The following AKAP9 variants were observed in gnomAD, a reference collection of about 807,000 sequenced individuals.
AKAP9 encodes A-kinase anchor protein 9.
Under a neutral mutation model 488.5 loss-of-function variants are expected in AKAP9, and 311 were observed. That is an observed-to-expected ratio of 0.64 (90% CI 0.58 to 0.70). The LOEUF is 0.70. Among genes scored for constraint, AKAP9 ranks in the 30% least tolerant of loss-of-function variants. The pLI is 0.00. For synonymous variants in AKAP9, 1,462 were observed against 1,483.5 expected, an observed-to-expected ratio of 0.99 and a Z score of 0.33; for missense variants, 4,215 against 4,374.5, an observed-to-expected ratio of 0.96 and a Z score of 1.03.
intron 5 of AKAP9, 46 bp from the exon 6 acceptor site, chr7:91,994,575 T>C (rs1198528469): frequency 6.7e-7 from 1 of 1,492,124 alleles, no homozygotes; most frequent in Non-Finnish European, 9.2e-7. Flanking sequence ...CCTGTAATAA[T>C]AGTCAATTAA....
In AKAP9 at chr7:91,945,538, G is replaced by A. The variant is rs576593870; in HGVS notation, c.48+4391G>A. 4.3e-3 allele frequency among the ~76,000 whole-genome samples: 651 copies of A among 152,222 alleles called. 1 individual carries two copies. The highest frequency in any genetic ancestry group is 7.5e-3 in the Non-Finnish European group (510 of 68,002). On this transcript the variant is annotated intron_variant, in intron 1 of 49. Coordinates refer to ENST00000356239, the MANE Select transcript of AKAP9 (RefSeq NM_005751.5). ...CAAAACAAAACAAAAACAGAGGCCAGTGTAGCCTGCCCAGTGGGCTTTAGG... is the reference window on the plus strand; with the variant it reads ...CAAAACAAAACAAAAACAGAGGCCAATGTAGCCTGCCCAGTGGGCTTTAGG...
chr7:92,070,823 AAAGC>A (rs1016615794), intron 27 of AKAP9, 78 bp from the exon 28 acceptor site: 1 of 919,732 alleles, frequency 1.1e-6, no homozygotes, highest in African/African-American at 1.7e-5. Context: ...AAAAAAAAAA[AAAGC>A]AGACCAAAAA....
intron 16 of AKAP9, among the ~76,000 whole-genome samples, chr7:92,032,015 C>G (rs947538784): frequency 7.9e-5 from 12 of 152,280 alleles, no homozygotes; most frequent in African/African-American, 2.9e-4. Flanking sequence ...AGGATTATCA[C>G]TGAGTATTAA....
intron 3 of AKAP9, among the ~76,000 whole-genome samples, chr7:91,986,073 A>C (rs1378502735): frequency 2.0e-5 from 3 of 152,156 alleles, no homozygotes; most frequent in African/African-American, 7.2e-5. Context: ...GTGGTCTATT[A>C]ATTATTGCCT....
Position 92,001,768 on chromosome 7 carries a change from A to C in AKAP9, c.1851A>C (p.Ser617=), listed in dbSNP as rs1228322452. The change falls in exon 8 of 50, where the codon TCA becomes TCC. Residue 617 remains serine, a synonymous_variant. Transcript: ENST00000356239. ...CTGTGTTAGACAGAATGGCTGAATC[A>C]CAAGAAGCTGAATTAGAGAGGCTGA... ...KNAVLDRMAE[S]QEAELERLRT... is the part of the protein sequence containing the mutation. The C allele has an allele frequency of 1.2e-5, 19 of 1,613,396 alleles. No individual in the cohort carries two copies. The highest frequency in any genetic ancestry group is 1.6e-5 in the Non-Finnish European group (19 of 1,179,804).
chr7:92,006,406 C>T (rs1799868387), intron 8 of AKAP9, among the ~76,000 whole-genome samples: 1 of 152,162 alleles, frequency 6.6e-6, no homozygotes, highest in Admixed American at 6.5e-5. Flanking sequence ...TTGCCTTGGC[C>T]TCCTGAAATG....
intron 1 of AKAP9, among the ~76,000 whole-genome samples, chr7:91,960,849 T>A (rs764864267): frequency 6.6e-6 from 1 of 152,194 alleles, no homozygotes. Context: ...GGTAAAACTC[T>A]ACAACCACAT....
At chr7:92,003,740 G>A (rs775351889) in intron 8 of AKAP9, among the ~76,000 whole-genome samples, 2 of 151,856 alleles carry the variant, frequency 1.3e-5, no homozygotes, top group African/African-American at 2.4e-5. Flanking sequence ...AAGTCCTAGA[G>A]TTTTTTCAGA....
chr7:91,941,226 G>C lies in AKAP9; in HGVS notation c.48+79G>C, dbSNP rs369883453. The C allele has an allele frequency of 7.0e-6, 10 of 1,422,094 alleles. 1 individual carries two copies. Among genetic ancestry groups the C allele is most frequent in the East Asian group, 2.3e-5 (1 of 43,954 alleles). 88.1% of individuals were successfully genotyped at this position (1,422,094 alleles called of 1,614,324 possible). A position where few individuals can be genotyped will look rare whatever the true frequency, so the allele number is the denominator to read the frequency against. On this transcript the variant is annotated intron_variant, in intron 1 of 49. Transcript: ENST00000356239. ...GGTGGGAGGGGGCCTGGGAAGCGGA[G>C]TTCGCCGCAGCCCCAGTGCACTGCC...
chr7:92,000,059 T>G (rs547836164), intron 7 of AKAP9, among the ~76,000 whole-genome samples: 1 of 152,376 alleles, frequency 6.6e-6, no homozygotes, highest in South Asian at 2.1e-4. Context: ...ACCTAGGGCC[T>G]CTGCTTGACT....
chr7:91,977,417 A>G (rs1163312759), intron 2 of AKAP9, among the ~76,000 whole-genome samples: 1 of 152,130 alleles, frequency 6.6e-6, no homozygotes. Context: ...TTAGCGGGGC[A>G]TGGTGGTGGG....
chr7:92,096,860 C>G lies in AKAP9; in HGVS notation c.9901C>G (p.Leu3301Val), dbSNP rs1267524812. The G allele has an allele frequency of 1.2e-6, 2 of 1,614,044 alleles. No individual in the cohort carries two copies. Among genetic ancestry groups the G allele is most frequent in the Non-Finnish European group, 8.5e-7 (1 of 1,180,052 alleles). Residue 3301 changes from leucine to valine, a missense_variant, in exon 41 of 50, where the codon CTT (leucine) becomes GTT (valine). Transcript: ENST00000356239. ...AGGTCGAAACTTAGAGCTTCAGGTA[C>G]TTCTTGAATCTGAGAAAGTTCGAAT... is the stretch of plus-strand genomic sequence containing the variant. ...EQGRNLELQVLLESEKVRIRE... is the reference protein window; with the variant it reads ...EQGRNLELQVVLESEKVRIRE...
At chr7:92,058,935 C>T (rs975286078) in intron 22 of AKAP9, among the ~76,000 whole-genome samples, 2 of 151,872 alleles carry the variant, frequency 1.3e-5, no homozygotes, top group Non-Finnish European at 2.9e-5. Context: ...AGACCCTTTT[C>T]TGCTTTTTAT....
rs1396629137 is a variant in AKAP9, at chr7:91,954,293, T to A, written c.48+13146T>A. On this transcript the variant is annotated intron_variant, in intron 1 of 49. Coordinates refer to ENST00000356239, the MANE Select transcript of AKAP9 (RefSeq NM_005751.5). ...GTTTCCTACTAAATATACCCTTATT[T>A]ATTTATTTTGAGACAGGGTCTCACT... Among the ~76,000 whole-genome samples the A allele has an allele frequency of 7.2e-5, 11 of 152,242 alleles. No individual in the cohort carries two copies. In the South Asian group the frequency reaches 2.3e-3, roughly 31 times the overall value.
chr7:91,963,135 G>A (rs1322766754), intron 1 of AKAP9, among the ~76,000 whole-genome samples: 1 of 152,044 alleles, frequency 6.6e-6, no homozygotes. Flanking sequence ...TCCATTTACA[G>A]ATAATATATT....
chr7:92,054,856 G>A (rs1323945335), intron 22 of AKAP9, among the ~76,000 whole-genome samples: 3 of 151,938 alleles, frequency 2.0e-5, no homozygotes, highest in Non-Finnish European at 4.4e-5. Flanking sequence ...ATGCTTAAGA[G>A]ACTGTCATAA....
At chr7:92,093,411 A>G in intron 39 of AKAP9, 95 bp downstream of exon 39, 1 of 1,036,464 alleles carries the variant, frequency 9.6e-7, no homozygotes, top group Non-Finnish European at 1.5e-6. Flanking sequence ...AACATGCATG[A>G]TATTTAAATA....
At chr7:92,020,526 C>T (rs1200002668) in intron 12 of AKAP9, among the ~76,000 whole-genome samples, 3 of 152,136 alleles carry the variant, frequency 2.0e-5, no homozygotes, top group Admixed American at 1.3e-4. Flanking sequence ...ACTTGATTAC[C>T]CTTCTGTCCT....
chr7:92,002,437 T>C lies in AKAP9; in HGVS notation c.2520T>C (p.Asn840=), dbSNP rs775917820. The C allele has an allele frequency of 1.9e-5, 30 of 1,608,648 alleles. No individual in the cohort carries two copies. The highest frequency in any genetic ancestry group is 1.7e-4 in the Middle Eastern group (1 of 6,058). Residue 840 remains asparagine (N), a synonymous_variant, in exon 8 of 50, where the codon AAT becomes AAC. Transcript: ENST00000356239. The part of the protein sequence containing the change: ...EDLKQQCIQL[N]EEIEKQRNTF... ...TCAAACAACAATGTATTCAGCTAAA[T>C]GAAGAGATTGAAAAGCAAAGGAACA...
Sources: allele counts gnomAD v4.1 joint callset (sites outside exome capture counted in the v4.1 genomes callset), GRCh38; gene constraint gnomAD v4.1.1; transcripts MANE v1.5; gene names NCBI Gene and HGNC (gene_info 2026-07-23, HGNC 2026-07-21).